DGKH: variants seen among roughly 807,000 people sequenced by gnomAD.
DGKH encodes diacylglycerol kinase eta, also known as DAG kinase eta.
Under a neutral mutation model 159.3 loss-of-function variants are expected in DGKH, and 90 were observed. The observed-to-expected ratio is 0.57, with a 90% CI of 0.48 to 0.67. The LOEUF is 0.67. Ranked by LOEUF, DGKH falls within the 30% of genes least tolerant of loss-of-function variation. The pLI is 0.00. For synonymous variants in DGKH, 536 were observed against 553.8 expected (o/e 0.97, Z 0.45); for missense variants, 1,181 against 1,506.1 (o/e 0.78, Z 3.57).
At chr13:42,187,003 T>G (rs1210831556) in intron 13 of DGKH, 46 bp from the exon 14 acceptor site, 1 of 1,516,726 alleles carries the variant, frequency 6.6e-7, no homozygotes, top group Non-Finnish European at 9.1e-7. Context: ...TCAAGGCAAA[T>G]TAATTCATGA....
chr13:42,113,816 G>C (rs537275369), intron 1 of DGKH, among the ~76,000 whole-genome samples: 1 of 152,232 alleles, frequency 6.6e-6, no homozygotes, highest in East Asian at 1.9e-4. Flanking sequence ...AAAATATTTA[G>C]AAGGGCAAAT....
At position 42,240,061 on chromosome 13, in the gene DGKH, A is replaced by G. The variant is rs1305256507; in HGVS notation, c.*10873A>G. ...GTTAAAATAACATAACATTTCAATT[A>G]CACACACACAACCTGTCTCTTCCAC... On this transcript the variant is annotated 3_prime_UTR_variant, in exon 30 of 30. Coordinates refer to ENST00000337343, the MANE Select transcript of DGKH (RefSeq NM_178009.5). The G allele has an allele frequency of 6.6e-6, 1 of 152,202 alleles. No individual in the cohort carries two copies. Among genetic ancestry groups the G allele is most frequent in the Non-Finnish European group, 1.5e-5 (1 of 68,024 alleles). 9.4% of individuals were successfully genotyped at this position (152,202 alleles called of 1,614,324 possible). A position where few individuals can be genotyped will look rare whatever the true frequency, so the allele number is the denominator to read the frequency against.
chr13:42,162,820 A>G (rs930516493), intron 7 of DGKH, among the ~76,000 whole-genome samples: 1 of 148,414 alleles, frequency 6.7e-6, no homozygotes, highest in East Asian at 2.1e-4. Flanking sequence ...ACAAACAAAA[A>G]CATGAGTTTC....
intron 3 of DGKH, among the ~76,000 whole-genome samples, chr13:42,139,475 T>A (rs2038884): frequency 6.6e-6 from 1 of 152,186 alleles, no homozygotes; most frequent in Non-Finnish European, 1.5e-5. Flanking sequence ...TGTCGGACTT[T>A]CAGTCAGGGT....
intron 1 of DGKH, among the ~76,000 whole-genome samples, chr13:42,095,376 T>C (rs1411814906): frequency 6.6e-6 from 1 of 152,042 alleles, no homozygotes; most frequent in African/African-American, 2.4e-5. Context: ...TTGGCCAGGC[T>C]GGTCTTGAAC....
chr13:42,209,420 C>A lies in DGKH; in HGVS notation c.2805C>A (p.Ile935=), dbSNP rs751414354. The A allele has an allele frequency of 6.2e-7, 1 of 1,613,226 alleles. No individual in the cohort carries two copies. ...GEAWVQPPGI[I]KIVHKNRAQM... ...CGTGGGTTCAGCCTCCAGGGATTAT[C>A]AAAATTGTGCACAAAAACAGAGCAC... The change falls in exon 23 of 30, where the codon ATC becomes ATA. Residue 935 remains isoleucine (I), a synonymous_variant. Transcript: ENST00000337343.
chr13:42,165,794 C>T (rs1267945660), intron 8 of DGKH, among the ~76,000 whole-genome samples: 1 of 152,018 alleles, frequency 6.6e-6, no homozygotes, highest in South Asian at 2.1e-4. Flanking sequence ...TTATTAAAAT[C>T]TGTTTTTCTG....
intron 1 of DGKH, among the ~76,000 whole-genome samples, chr13:42,059,299 G>C (rs866487688): frequency 6.6e-6 from 1 of 151,620 alleles, no homozygotes; most frequent in Non-Finnish European, 1.5e-5. Context: ...GCCCAGGCTG[G>C]AGTGCAGTGG....
At chr13:42,214,416 T>C (rs966612498) in intron 24 of DGKH, 91 bp from the exon 25 acceptor site, 10 of 1,208,358 alleles carry the variant, frequency 8.3e-6, no homozygotes, top group Non-Finnish European at 1.2e-5. Context: ...ATATATTTTT[T>C]ACTTGTTTTA....
At chr13:42,120,998 AGTTT>A (rs984372040) in intron 1 of DGKH, among the ~76,000 whole-genome samples, 1 of 151,822 alleles carries the variant, frequency 6.6e-6, no homozygotes, top group African/African-American at 2.4e-5. Context: ...TTCCAGAAGT[AGTTT>A]GTTTATGAAC....
rs1046523054 is a variant in DGKH at position 42,237,814 on chromosome 13, G to C, written c.*8626G>C. ...GAGAACTAGTCAGACACACTTAGCTGGTTCCTATAGAAAAACACCAGTAAA... is the reference window on the plus strand; with the variant it reads ...GAGAACTAGTCAGACACACTTAGCTCGTTCCTATAGAAAAACACCAGTAAA... On this transcript the variant is annotated 3_prime_UTR_variant, in exon 30 of 30. Coordinates refer to ENST00000337343, the MANE Select transcript of DGKH (RefSeq NM_178009.5). 3 of 152,194 alleles carry C rather than the reference G, an allele frequency of 2.0e-5. No individual in the cohort carries two copies. The highest frequency in any genetic ancestry group is 4.4e-5 in the Non-Finnish European group (3 of 68,032). 9.4% of individuals were successfully genotyped at this position (152,194 alleles called of 1,614,324 possible). A position where few individuals can be genotyped will look rare whatever the true frequency, so the allele number is the denominator to read the frequency against.
intron 1 of DGKH, among the ~76,000 whole-genome samples, chr13:42,099,885 G>A (rs952756862): frequency 6.0e-4 from 92 of 152,078 alleles, no homozygotes; most frequent in African/African-American, 2.1e-3. Flanking sequence ...GGTGCTTCTG[G>A]GGTCTATAAG....
At chr13:42,202,862 C>T (rs1957380630) in intron 20 of DGKH, among the ~76,000 whole-genome samples, 1 of 152,028 alleles carries the variant, frequency 6.6e-6, no homozygotes, top group Admixed American at 6.6e-5. Flanking sequence ...CTTTTTTGCC[C>T]ATAATATACG....
chr13:42,155,643 T>G, intron 4 of DGKH, 24 bp from the exon 5 acceptor site: 1 of 1,614,080 alleles, frequency 6.2e-7, no homozygotes, highest in Non-Finnish European at 8.5e-7. Context: ...GCTTGGCAAA[T>G]CTGTCCTCAC....
At chr13:42,151,531 GTATA>G (rs146776372) in intron 3 of DGKH, among the ~76,000 whole-genome samples, 7 of 98,128 alleles carry the variant, frequency 7.1e-5, no homozygotes, top group Non-Finnish European at 1.3e-4. Flanking sequence ...ATATACACGT[GTATA>G]TATATATATA....
intron 1 of DGKH, among the ~76,000 whole-genome samples, chr13:42,095,642 G>A (rs1954515816): frequency 6.6e-6 from 1 of 151,948 alleles, no homozygotes; most frequent in Non-Finnish European, 1.5e-5. Context: ...AAGGAAACTC[G>A]TTCTTCCTGT....
intron 1 of DGKH, among the ~76,000 whole-genome samples, chr13:42,109,707 C>G (rs2137797892): frequency 6.6e-6 from 1 of 152,064 alleles, no homozygotes; most frequent in South Asian, 2.1e-4. Flanking sequence ...GCTGTTTTTT[C>G]TAGTAATTTG....
intron 1 of DGKH, among the ~76,000 whole-genome samples, chr13:42,053,335 C>T (rs1300898356): frequency 6.7e-6 from 1 of 148,448 alleles, no homozygotes; most frequent in Middle Eastern, 3.3e-3. Context: ...AAAAAAAAAT[C>T]TTACTACTAC....
At chr13:42,163,913 T>G (rs1956252696) in intron 7 of DGKH, among the ~76,000 whole-genome samples, 1 of 152,222 alleles carries the variant, frequency 6.6e-6, no homozygotes, top group Admixed American at 6.5e-5. Context: ...CTGCTTTTGG[T>G]GTTTCAGACA....
Sources: allele counts gnomAD v4.1 joint callset (sites outside exome capture counted in the v4.1 genomes callset), GRCh38; gene constraint gnomAD v4.1.1; transcripts MANE v1.5; gene names NCBI Gene and HGNC (gene_info 2026-07-23, HGNC 2026-07-21).